The following PTPRD variants were observed in gnomAD, a reference collection of about 807,000 sequenced individuals.
PTPRD encodes the protein receptor-type tyrosine-protein phosphatase delta.
In PTPRD, 34 loss-of-function variants were observed where a neutral mutation model predicts 214.5. The observed-to-expected ratio is 0.16, with a 90% CI of 0.12 to 0.21. The LOEUF is 0.21. Among genes scored for constraint, PTPRD ranks in the 10% least tolerant of loss-of-function variants. PTPRD has a pLI of 1.00. For synonymous variants in PTPRD, 1,128 were observed against 845.7 expected (o/e 1.33, Z -5.79); for missense variants, 2,545 against 2,398.7 (o/e 1.06, Z -1.27).
chr9:8,487,154 G>C (rs529227909), intron 27 of PTPRD, among the ~76,000 whole-genome samples: 30 of 152,122 alleles, frequency 2.0e-4, no homozygotes, highest in Non-Finnish European at 3.5e-4. Context: ...TAATAAATGA[G>C]GAAATTCATG....
At chr9:9,030,060 G>C (rs1569469407) in intron 10 of PTPRD, among the ~76,000 whole-genome samples, 1 of 151,842 alleles carries the variant, frequency 6.6e-6, no homozygotes, top group Non-Finnish European at 1.5e-5. Flanking sequence ...AAAATGGGAA[G>C]AGAACAGTGT....
chr9:9,029,918 G>A (rs1040799296), intron 10 of PTPRD, among the ~76,000 whole-genome samples: 2 of 152,070 alleles, frequency 1.3e-5, no homozygotes, highest in South Asian at 2.1e-4. Flanking sequence ...TGGAATTCAA[G>A]GGTGACAGCA....
At chr9:8,992,335 A>T (rs1306701721) in intron 11 of PTPRD, among the ~76,000 whole-genome samples, 3 of 152,132 alleles carry the variant, frequency 2.0e-5, no homozygotes, top group Non-Finnish European at 4.4e-5. Flanking sequence ...TTATACTACT[A>T]AAATAAAGAG....
chr9:8,501,158 C>T (rs1027068321), intron 23 of PTPRD, 99 bp from the exon 24 acceptor site: 12 of 857,948 alleles, frequency 1.4e-5, no homozygotes, highest in Admixed American at 2.9e-5. Context: ...AATAAATAAA[C>T]GAACAATAAG....
chr9:9,317,046 T>C (rs568655486), intron 9 of PTPRD, among the ~76,000 whole-genome samples: 1 of 152,308 alleles, frequency 6.6e-6, no homozygotes, highest in Non-Finnish European at 1.5e-5. Context: ...TCTTTTTTAT[T>C]CGCATATACT....
Position 8,981,055 on chromosome 9 carries a change from G to A in PTPRD, c.-104+37642C>T, listed in dbSNP as rs563161132. Among the ~76,000 whole-genome samples the A allele has an allele frequency of 8.6e-5, 13 of 152,038 alleles. No individual in the cohort carries two copies. The South Asian group carries it at 2.1e-3, about 24-fold the overall frequency. ...GCAGCATGCTGAATTACTTGTCTCC[G>A]GCACCTCGCTAACGGAATTTCTTAT... is the stretch of plus-strand genomic sequence containing the variant. On this transcript the variant is annotated intron_variant, in intron 11 of 45. Coordinates refer to ENST00000381196, the MANE Select transcript of PTPRD (RefSeq NM_002839.4).
chr9:9,085,355 T>C (rs975453267), intron 10 of PTPRD, among the ~76,000 whole-genome samples: 46 of 152,176 alleles, frequency 3.0e-4, no homozygotes, highest in Non-Finnish European at 7.3e-5. Flanking sequence ...TCAGAGAAAA[T>C]GTTGGTTTTT....
intron 10 of PTPRD, among the ~76,000 whole-genome samples, chr9:9,061,551 C>A (rs2099707407): frequency 6.6e-6 from 1 of 152,138 alleles, no homozygotes; most frequent in Admixed American, 6.5e-5. Flanking sequence ...ATTTCTAATA[C>A]ACCCCAAGGT....
chr9:9,911,981 A>G (rs1436897526), intron 5 of PTPRD, among the ~76,000 whole-genome samples: 1 of 152,112 alleles, frequency 6.6e-6, no homozygotes, highest in African/African-American at 2.4e-5. Flanking sequence ...CTTAAAAGTA[A>G]GATCTTAATA....
chr9:9,769,301 G>C (rs1399510026), intron 5 of PTPRD, among the ~76,000 whole-genome samples: 1 of 96,900 alleles, frequency 1.0e-5, no homozygotes, highest in Admixed American at 1.0e-4. Context: ...TGTAAACTAT[G>C]TTTTAACCAG....
intron 9 of PTPRD, among the ~76,000 whole-genome samples, chr9:9,324,011 AC>A (rs1422445464): frequency 6.6e-6 from 1 of 152,168 alleles, no homozygotes; most frequent in Admixed American, 6.5e-5. Context: ...CCTACAAAGG[AC>A]ATGAGCTCAT....
intron 7 of PTPRD, among the ~76,000 whole-genome samples, chr9:9,664,485 C>T (rs183358505): frequency 6.6e-6 from 1 of 151,556 alleles, no homozygotes; most frequent in Non-Finnish European, 1.5e-5. Context: ...GCAATTAGAT[C>T]AGCTCTTTTT....
intron 2 of PTPRD, among the ~76,000 whole-genome samples, chr9:10,387,163 C>A (rs10732321): frequency 5.9e-5 from 9 of 151,734 alleles, no homozygotes; most frequent in Non-Finnish European, 2.9e-5. Context: ...CTGAGCTCAC[C>A]AAATGTAAGG....
At chr9:10,107,487 C>T (rs2098645950) in intron 3 of PTPRD, among the ~76,000 whole-genome samples, 1 of 151,798 alleles carries the variant, frequency 6.6e-6, no homozygotes, top group Non-Finnish European at 1.5e-5. Context: ...ATTAACTTTG[C>T]CACTTACCGG....
intron 5 of PTPRD, among the ~76,000 whole-genome samples, chr9:9,936,174 A>G (rs1331341868): frequency 6.7e-6 from 1 of 148,664 alleles, no homozygotes; most frequent in Non-Finnish European, 1.5e-5. Context: ...ATGGGCAAGG[A>G]CTTCATGTCT....
At chr9:9,845,376 A>C (rs2059339069) in intron 5 of PTPRD, among the ~76,000 whole-genome samples, 1 of 151,772 alleles carries the variant, frequency 6.6e-6, no homozygotes, top group Non-Finnish European at 1.5e-5. Flanking sequence ...GGCAGTGTCC[A>C]TAAGGCACAC....
At chr9:9,670,963 G>C (rs1011188418) in intron 7 of PTPRD, among the ~76,000 whole-genome samples, 1 of 152,190 alleles carries the variant, frequency 6.6e-6, no homozygotes, top group African/African-American at 2.4e-5. Flanking sequence ...GTAGTAAGAA[G>C]AGTAAGAAGA....
At chr9:10,224,620 T>C (rs143800335) in intron 3 of PTPRD, among the ~76,000 whole-genome samples, 5,606 of 152,134 alleles carry the variant, frequency 0.037, 144 homozygotes, top group Middle Eastern at 0.085. Context: ...TTAAGTATAA[T>C]ATTGATAGTT....
intron 7 of PTPRD, among the ~76,000 whole-genome samples, chr9:9,629,142 C>T (rs1322173567): frequency 6.6e-6 from 1 of 151,092 alleles, no homozygotes; most frequent in Non-Finnish European, 1.5e-5. Context: ...CCATTGCACT[C>T]CAGCCTGGGT....
Sources: allele counts gnomAD v4.1 joint callset (sites outside exome capture counted in the v4.1 genomes callset), GRCh38; gene constraint gnomAD v4.1.1; transcripts MANE v1.5; gene names NCBI Gene and HGNC (gene_info 2026-07-23, HGNC 2026-07-21).